Variants in TMEM130 observed in about 807,000 individuals in gnomAD.
TMEM130 encodes transmembrane protein 130.
TMEM130 carries 37 observed loss-of-function variants against 42.9 expected under a neutral mutation model. The ratio of observed to expected loss-of-function variants is 0.86; its 90% CI spans 0.66 to 1.13. The LOEUF is 1.13. Ranked by LOEUF, TMEM130 falls within the 50% of genes most tolerant of loss-of-function variation. TMEM130 has a pLI of 0.00. For missense variants in TMEM130, 545 were observed against 562.6 expected, an observed-to-expected ratio of 0.97 and a Z score of 0.32; for synonymous variants, 259 against 237.7, an observed-to-expected ratio of 1.09 and a Z score of -0.82.
chr7:98,848,297 C>A, intron 7 of TMEM130, 89 bp from the exon 8 acceptor site: 1 of 1,545,228 alleles, frequency 6.5e-7, no homozygotes, highest in South Asian at 1.2e-5. Flanking sequence ...GGAGCCCCAT[C>A]AGGTGGCCTT....
chr7:98,862,013 T>C (rs1554399840), intron 2 of TMEM130, among the ~76,000 whole-genome samples: 1 of 152,222 alleles, frequency 6.6e-6, no homozygotes, highest in African/African-American at 2.4e-5. Flanking sequence ...AGGGTCACTG[T>C]TAATAGTGGT....
chr7:98,863,089 C>G lies in TMEM130; in HGVS notation c.391+6G>C, dbSNP rs782092319. The G allele has an allele frequency of 1.6e-5, 26 of 1,608,770 alleles. No individual in the cohort carries two copies. In the Middle Eastern group the frequency reaches 8.3e-4, roughly 51 times the overall value. ...AGGCAAACTAGCAAATGGGAGCGAC[C>G]CTCACCTGTGATGGGGAGGACCACA... is the stretch of plus-strand genomic sequence containing the variant. On this transcript the variant is annotated splice_donor_region_variant and intron_variant, in intron 2 of 7. Coordinates refer to ENST00000339375, the MANE Select transcript of TMEM130 (RefSeq NM_152913.3).
chr7:98,862,506 T>C (rs1199797890), intron 2 of TMEM130, among the ~76,000 whole-genome samples: 1 of 138,542 alleles, frequency 7.2e-6, no homozygotes, highest in African/African-American at 2.7e-5. Flanking sequence ...TTTTTTTTTT[T>C]TTTTTTTTTT....
In TMEM130 at chr7:98,865,227, C is replaced by A. The variant is rs1178405730; in HGVS notation, c.86-1827G>T. Among the ~76,000 whole-genome samples, 10 of 152,332 alleles carry A rather than the reference C, an allele frequency of 6.6e-5. No individual in the cohort carries two copies. In the East Asian group the frequency reaches 1.9e-3, roughly 29 times the overall value. On this transcript the variant is annotated intron_variant, in intron 1 of 7. Coordinates refer to ENST00000339375, the MANE Select transcript of TMEM130 (RefSeq NM_152913.3). ...GCACTGACTGAGTCCCTTCCATGGA[C>A]CCCATCCCTACCGTGTTGGGAGGAT...
rs1246762639 is a variant in TMEM130, at chr7:98,869,189, C to A, written c.85+588G>T. The A allele has an allele frequency of 1.6e-6, 2 of 1,287,128 alleles. No homozygotes were observed. The highest frequency in any genetic ancestry group is 4.6e-5 in the Admixed American group (2 of 43,362). The allele number at this position is 1,287,128 out of a possible 1,614,324, so 79.7% of individuals were successfully genotyped here. ...ACACAACCCTGCTTCCCCCACTCCC[C>A]CACCCACACACACACCCCAGGAACC... On this transcript the variant is annotated intron_variant, in intron 1 of 7. Transcript: ENST00000339375. The surrounding 1 kb of genome is among the most constrained non-coding windows in gnomAD (Gnocchi z 4.7).
chr7:98,851,998 G>C (rs1484852423), intron 5 of TMEM130, among the ~76,000 whole-genome samples: 1 of 152,162 alleles, frequency 6.6e-6, no homozygotes, highest in Admixed American at 6.5e-5. Flanking sequence ...CCAGGCTGAA[G>C]TGCAGTGGCT....
rs1554399625 is a variant in TMEM130, at chr7:98,860,334, G to A, written c.396C>T (p.Phe132=). 6.3e-7 allele frequency: 1 copy of A among 1,591,118 alleles called. No individual in the cohort carries two copies. The highest frequency in any genetic ancestry group is 2.3e-5 in the East Asian group (1 of 43,738). ...GGGTGACAACAAGGTCCCCCACGAGGAACTCTGGGAGAGAGAGAGACACGG... is the reference window on the plus strand; with the variant it reads ...GGGTGACAACAAGGTCCCCCACGAGAAACTCTGGGAGAGAGAGAGACACGG... ...RGFVVLPITE[F]LVGDLVVTQN... Residue 132 remains phenylalanine (F), a synonymous_variant, in exon 3 of 8, where the codon TTC becomes TTT. Coordinates refer to ENST00000339375, the MANE Select transcript of TMEM130 (RefSeq NM_152913.3).
At chr7:98,848,452 C>A in intron 7 of TMEM130, 131 bp downstream of exon 7, 2 of 787,108 alleles carry the variant, frequency 2.5e-6, no homozygotes, top group Non-Finnish European at 4.2e-6. Context: ...GGGCACATCA[C>A]CCCAAGTCCC....
chr7:98,861,725 A>G (rs1794775911), intron 2 of TMEM130, among the ~76,000 whole-genome samples: 1 of 152,202 alleles, frequency 6.6e-6, no homozygotes, highest in Non-Finnish European at 1.5e-5. Context: ...AATAGTAATA[A>G]TAAATTAATT....
At chr7:98,855,713 G>A (rs777429823) in intron 4 of TMEM130, among the ~76,000 whole-genome samples, 2 of 152,196 alleles carry the variant, frequency 1.3e-5, no homozygotes, top group South Asian at 2.1e-4. Flanking sequence ...GTGGGAGGCC[G>A]ATGGGGCCGG....
chr7:98,848,830 C>A (rs995103949), intron 6 of TMEM130, 135 bp from the exon 7 acceptor site: 1 of 670,834 alleles, frequency 1.5e-6, no homozygotes, highest in Non-Finnish European at 2.7e-6. Context: ...TACATGCATC[C>A]CAACTGGGCA....
rs1794603980 is a variant in TMEM130 at position 98,855,343 on chromosome 7, C to T, written c.719-19G>A. On this transcript the variant is annotated intron_variant, in intron 4 of 7. Transcript: ENST00000339375. Reference sequence around the variant, plus strand: ...AGGGTTTCTGTAAGGCAGAGAGAACCCCGTTAGACCTGGTGGCTAAGGATT... The same window carrying T: ...AGGGTTTCTGTAAGGCAGAGAGAACTCCGTTAGACCTGGTGGCTAAGGATT... The T allele has an allele frequency of 6.2e-7, 1 of 1,601,984 alleles. No homozygotes were observed. The highest frequency in any genetic ancestry group is 1.3e-5 in the African/African-American group (1 of 74,524).
intron 6 of TMEM130, among the ~76,000 whole-genome samples, chr7:98,850,271 A>ATTTTTTTTTTT (rs1290884464): frequency 2.4e-4 from 8 of 33,882 alleles, no homozygotes; most frequent in South Asian, 9.9e-4. Flanking sequence ...ATATATATAT[A>ATTTTTTTTTTT]TATTTTTTTT....
In TMEM130 at chr7:98,869,585, C is replaced by T. The variant is rs1055826347; in HGVS notation, c.85+192G>A. The stretch of plus-strand genomic sequence containing the variant: ...CGGGGAGCCCCCTCCAGTGCCCAGG[C>T]GACTTTGGGGAACAAGGATGAAAGG... On this transcript the variant is annotated intron_variant, in intron 1 of 7. Coordinates refer to ENST00000339375, the MANE Select transcript of TMEM130 (RefSeq NM_152913.3). The surrounding 1 kb of genome is among the most constrained non-coding windows in gnomAD (Gnocchi z 4.7). Among the ~76,000 whole-genome samples the T allele has an allele frequency of 6.6e-6, 1 of 152,190 alleles. No homozygotes were observed. Among genetic ancestry groups the T allele is most frequent in the Admixed American group, 6.5e-5 (1 of 15,276 alleles).
chr7:98,868,100 G>A (rs532494733), intron 1 of TMEM130, among the ~76,000 whole-genome samples: 22 of 152,290 alleles, frequency 1.4e-4, no homozygotes, highest in South Asian at 8.3e-4. Context: ...GTGGTGGCAG[G>A]CGCCTGTAAT....
At chr7:98,864,214 G>C (rs1034403004) in intron 1 of TMEM130, among the ~76,000 whole-genome samples, 12 of 151,740 alleles carry the variant, frequency 7.9e-5, no homozygotes, top group African/African-American at 2.4e-4. Flanking sequence ...AATTCTTTTG[G>C]TTTTGTTTTG....
intron 3 of TMEM130, 86 bp from the exon 4 acceptor site, chr7:98,856,269 G>C (rs1294761962): frequency 2.9e-6 from 4 of 1,375,168 alleles, no homozygotes; most frequent in Non-Finnish European, 3.0e-6. Context: ...CATGGGACTT[G>C]CCAGAGTCAG....
intron 3 of TMEM130, among the ~76,000 whole-genome samples, chr7:98,859,668 A>G (rs1431357512): frequency 6.6e-6 from 1 of 152,188 alleles, no homozygotes; most frequent in Non-Finnish European, 1.5e-5. Context: ...TGAGGTCAGG[A>G]GTTCAAGACC....
intron 7 of TMEM130, 70 bp from the exon 8 acceptor site, chr7:98,848,278 C>A: frequency 6.3e-7 from 1 of 1,591,428 alleles, no homozygotes; most frequent in Non-Finnish European, 8.6e-7. Flanking sequence ...GTCAATCACC[C>A]ACCCACCAGG....
Sources: gnomAD v4.1 joint callset for allele counts (sites outside exome capture counted in the v4.1 genomes callset) on GRCh38, gnomAD v4.1.1 for gene constraint, Gnocchi (gnomAD v3.1) non-coding constraint, MANE v1.5 for transcripts, NCBI Gene and HGNC (gene_info 2026-07-23, HGNC 2026-07-21) for gene names.